Variants in CPNE4 observed in about 807,000 individuals in gnomAD.
CPNE4 encodes the protein copine-4.
Under a neutral mutation model 67.9 loss-of-function variants are expected in CPNE4, and 25 were observed. The observed-to-expected ratio is 0.37, with a 90% CI of 0.27 to 0.51. The LOEUF is 0.51. CPNE4 is among the 20% of genes least tolerant of loss of function. The pLI is 0.93. For missense variants in CPNE4, 464 were observed against 690.8 expected (o/e 0.67, Z 3.68); for synonymous variants, 242 against 244.9 (o/e 0.99, Z 0.11).
chr3:131,944,223 CTT>C (rs57090639), intron 1 of CPNE4, among the ~76,000 whole-genome samples: 30 of 148,766 alleles, frequency 2.0e-4, no homozygotes, highest in Non-Finnish European at 3.7e-4. Context: ...TCCTCTCTCT[CTT>C]TTTTTTTTTC....
intron 1 of CPNE4, among the ~76,000 whole-genome samples, chr3:131,918,328 C>T (rs868689081): frequency 9.9e-5 from 15 of 152,102 alleles, no homozygotes; most frequent in African/African-American, 2.7e-4. Flanking sequence ...TGTGATATCA[C>T]GCTCATTTAG....
intron 1 of CPNE4, among the ~76,000 whole-genome samples, chr3:131,906,461 G>A (rs995011177): frequency 3.7e-5 from 5 of 135,020 alleles, no homozygotes; most frequent in African/African-American, 1.4e-4. Context: ...GTGTCCATGT[G>A]TTCTCATTGT....
intron 7 of CPNE4, among the ~76,000 whole-genome samples, chr3:131,631,836 A>G (rs1218600429): frequency 6.6e-6 from 1 of 151,418 alleles, no homozygotes; most frequent in South Asian, 2.1e-4. Context: ...AGGGCCTACT[A>G]TGTGCCAGTT....
chr3:131,565,539 T>A (rs1313809439), intron 10 of CPNE4, among the ~76,000 whole-genome samples: 2 of 151,894 alleles, frequency 1.3e-5, no homozygotes, highest in Non-Finnish European at 2.9e-5. Context: ...TATAAGTTGA[T>A]GGGGAAAAAA....
At chr3:131,611,940 C>T (rs1482900052) in intron 7 of CPNE4, among the ~76,000 whole-genome samples, 3 of 152,224 alleles carry the variant, frequency 2.0e-5, no homozygotes, top group Admixed American at 2.0e-4. Flanking sequence ...GTTTTCTCTC[C>T]AAGTATGGAC....
intron 2 of CPNE4, among the ~76,000 whole-genome samples, chr3:131,786,665 C>T (rs2107867942): frequency 6.6e-6 from 1 of 152,160 alleles, no homozygotes; most frequent in African/African-American, 2.4e-5. Context: ...ATATTCTTGC[C>T]CCACCACTTC....
intron 1 of CPNE4, among the ~76,000 whole-genome samples, chr3:131,936,031 T>C (rs888694929): frequency 6.6e-6 from 1 of 152,070 alleles, no homozygotes; most frequent in African/African-American, 2.4e-5. Context: ...CTTTGTTTTT[T>C]ATTTTGGCAG....
At chr3:131,592,163 C>T (rs1343892677) in intron 7 of CPNE4, among the ~76,000 whole-genome samples, 1 of 152,190 alleles carries the variant, frequency 6.6e-6, no homozygotes, top group Admixed American at 6.5e-5. Context: ...ATCACTACCA[C>T]ACAAACACAA....
intron 2 of CPNE4, among the ~76,000 whole-genome samples, chr3:131,792,694 TACATATACAC>T (rs1560322762): frequency 7.0e-5 from 4 of 57,166 alleles, no homozygotes; most frequent in African/African-American, 2.1e-4. Flanking sequence ...CGTGTATATA[TACATATACAC>T]ACACGTGTAT....
chr3:131,687,589 C>G (rs1323907485), intron 5 of CPNE4, among the ~76,000 whole-genome samples: 2 of 152,154 alleles, frequency 1.3e-5, no homozygotes, highest in Non-Finnish European at 2.9e-5. Flanking sequence ...TTAAGCAAGC[C>G]AGAGTCAAAC....
At chr3:131,974,616 C>T (rs1231912507) in intron 1 of CPNE4, among the ~76,000 whole-genome samples, 3 of 152,200 alleles carry the variant, frequency 2.0e-5, no homozygotes, top group Non-Finnish European at 4.4e-5. Flanking sequence ...AGAAAAGTCT[C>T]TGCTTGCTCC....
At chr3:131,602,851 G>A (rs1582876048) in intron 7 of CPNE4, among the ~76,000 whole-genome samples, 1 of 152,084 alleles carries the variant, frequency 6.6e-6, no homozygotes, top group South Asian at 2.1e-4. Context: ...GGGACTGATG[G>A]GTGGTTGGAT....
chr3:131,878,383 G>C (rs2107711364), intron 2 of CPNE4, among the ~76,000 whole-genome samples: 1 of 152,258 alleles, frequency 6.6e-6, no homozygotes, highest in Admixed American at 6.5e-5. Context: ...CATGCGGTAT[G>C]ATATATATTT....
At chr3:131,763,848 A>G (rs1038488053) in intron 2 of CPNE4, among the ~76,000 whole-genome samples, 4 of 152,178 alleles carry the variant, frequency 2.6e-5, no homozygotes, top group African/African-American at 9.7e-5. Context: ...TTTCTGTAAT[A>G]TAAGGAAAAT....
intron 11 of CPNE4, 81 bp downstream of exon 11, chr3:131,564,135 A>C (rs1398662349): frequency 6.4e-7 from 1 of 1,555,196 alleles, no homozygotes; most frequent in Non-Finnish European, 8.9e-7. Context: ...CTTAATTTCC[A>C]CTTTCTGCCC....
At chr3:131,633,779 A>G (rs1225736644) in intron 7 of CPNE4, among the ~76,000 whole-genome samples, 5 of 151,914 alleles carry the variant, frequency 3.3e-5, no homozygotes, top group African/African-American at 1.2e-4. Context: ...TTTAAAAAAA[A>G]GAACAGAATA....
chr3:131,911,297 T>C (rs2088964932), intron 1 of CPNE4, among the ~76,000 whole-genome samples: 2 of 152,018 alleles, frequency 1.3e-5, no homozygotes, highest in Admixed American at 6.6e-5. Context: ...CCAACAACCA[T>C]GTGAGCTTGG....
At chr3:131,758,137 T>C (rs935164900) in intron 2 of CPNE4, among the ~76,000 whole-genome samples, 2 of 152,178 alleles carry the variant, frequency 1.3e-5, no homozygotes, top group African/African-American at 4.8e-5. Context: ...AGAGGACCAC[T>C]GTCCTCCGGA....
chr3:131,680,759 T>G (rs2080728792), intron 6 of CPNE4, among the ~76,000 whole-genome samples: 1 of 152,136 alleles, frequency 6.6e-6, no homozygotes, highest in Admixed American at 6.5e-5. Flanking sequence ...TGAGATTTGG[T>G]GCACCCATCA....
Sources: allele counts gnomAD v4.1 joint callset (sites outside exome capture counted in the v4.1 genomes callset), GRCh38; gene constraint gnomAD v4.1.1; transcripts MANE v1.5; gene names NCBI Gene and HGNC (gene_info 2026-07-23, HGNC 2026-07-21).